ZSWIM7: variants seen among roughly 807,000 people sequenced by gnomAD.
ZSWIM7 encodes the protein zinc finger SWIM-type containing 7.
In ZSWIM7, 22 loss-of-function variants were observed where a neutral mutation model predicts 21.1. The observed-to-expected ratio is 1.04, with a 90% CI of 0.74 to 1.49. ZSWIM7 has a LOEUF of 1.49. Among genes scored for constraint, ZSWIM7 ranks in the 40% most tolerant of loss-of-function variants. The probability of loss-of-function intolerance (pLI) is 0.00; values close to 1 mark genes in which losing one functional copy is unlikely to be tolerated. For missense variants in ZSWIM7, 193 were observed against 168.0 expected, an observed-to-expected ratio of 1.15 and a Z score of -0.82; for synonymous variants, 67 against 66.5, an observed-to-expected ratio of 1.01 and a Z score of -0.04.
At chr17:15,998,729 A>C (rs1183102843) in intron 1 of ZSWIM7, among the ~76,000 whole-genome samples, 1 of 150,688 alleles carries the variant, frequency 6.6e-6, no homozygotes, top group Non-Finnish European at 1.5e-5. Flanking sequence ...TTGCATATGC[A>C]TTTAGGTTTT....
In ZSWIM7 at chr17:15,988,296, G is replaced by A. The variant is rs890895629; in HGVS notation, c.99-928C>T. 5.3e-5 allele frequency among the ~76,000 whole-genome samples: 8 copies of A among 151,992 alleles called. No homozygotes were observed. The South Asian group carries it at 6.2e-4, about 12-fold the overall frequency. On this transcript the variant is annotated intron_variant, in intron 2 of 4. Transcript: ENST00000399277. ...ATTTTTGAAAATGAGGCATGTTGAC[G>A]GACATTTATTTTTACTTTACCTTTG...
chr17:15,992,472 T>G (rs1306827395), intron 2 of ZSWIM7, among the ~76,000 whole-genome samples: 3 of 140,768 alleles, frequency 2.1e-5, no homozygotes, highest in African/African-American at 8.2e-5. Context: ...AGAGTTTCGC[T>G]TTTATTGCCC....
At chr17:15,989,096 C>T (rs1970450969) in intron 2 of ZSWIM7, among the ~76,000 whole-genome samples, 2 of 152,162 alleles carry the variant, frequency 1.3e-5, no homozygotes, top group Non-Finnish European at 2.9e-5. Flanking sequence ...CCAGTATTAT[C>T]AGGCTTTTTT....
Position 15,978,023 on chromosome 17 carries a change from A to G in ZSWIM7, c.*24T>C. ...TTTCTTGACAGGATTCTATTTTGAA[A>G]GAATGATGCTCAATCTGTACCTTTT... On this transcript the variant is annotated 3_prime_UTR_variant, in exon 5 of 5. Transcript: ENST00000399277. The G allele has an allele frequency of 5.7e-6, 9 of 1,565,572 alleles. No homozygotes were observed. The highest frequency in any genetic ancestry group is 7.9e-6 in the Non-Finnish European group (9 of 1,136,584).
chr17:15,989,227 G>A (rs1355040832), intron 2 of ZSWIM7, among the ~76,000 whole-genome samples: 4 of 152,118 alleles, frequency 2.6e-5, no homozygotes, highest in African/African-American at 7.2e-5. Context: ...AATATTAGGT[G>A]AGAAAGGTTG....
intron 1 of ZSWIM7, among the ~76,000 whole-genome samples, chr17:15,994,459 T>C (rs1970524409): frequency 6.6e-6 from 1 of 152,138 alleles, no homozygotes; most frequent in South Asian, 2.1e-4. Flanking sequence ...CCCTAACGAA[T>C]TGGTGGCACC....
At chr17:15,993,187 AT>A (rs1970506800) in intron 2 of ZSWIM7, among the ~76,000 whole-genome samples, 1 of 151,064 alleles carries the variant, frequency 6.6e-6, no homozygotes, top group Admixed American at 6.6e-5. Flanking sequence ...CTTTTATTCT[AT>A]TTTTAAAATT....
chr17:15,982,104 A>G lies in ZSWIM7; in HGVS notation c.202-960T>C, dbSNP rs1970362633. Among the ~76,000 whole-genome samples the G allele has an allele frequency of 2.6e-5, 4 of 152,126 alleles. No individual in the cohort carries two copies. In the South Asian group the frequency reaches 8.3e-4, roughly 32 times the overall value. ...TCATCTAGCAGGATGGAAGGAGGAC[A>G]CTGATACATAGTGGGTTGATAAGAG... On this transcript the variant is annotated intron_variant, in intron 3 of 4. Transcript: ENST00000399277.
chr17:15,995,182 T>C (rs1970534162), intron 1 of ZSWIM7, among the ~76,000 whole-genome samples: 1 of 152,046 alleles, frequency 6.6e-6, no homozygotes, highest in South Asian at 2.1e-4. Flanking sequence ...TCTCTGTAGT[T>C]TCAGTTACTT....
At chr17:15,992,146 C>T (rs1438023041) in intron 2 of ZSWIM7, among the ~76,000 whole-genome samples, 2 of 151,872 alleles carry the variant, frequency 1.3e-5, no homozygotes, top group Non-Finnish European at 2.9e-5. Flanking sequence ...AGGCTGGTCT[C>T]GAACTCCTGA....
chr17:15,983,899 G>A (rs749897057), intron 3 of ZSWIM7, among the ~76,000 whole-genome samples: 31 of 151,982 alleles, frequency 2.0e-4, no homozygotes, highest in Non-Finnish European at 2.6e-4. Flanking sequence ...TAATTCTTGG[G>A]TGTCTAAACT....
In ZSWIM7 at chr17:15,987,325, G is replaced by A. The variant is rs1970425451; in HGVS notation, c.142C>T (p.Leu48=). The stretch of plus-strand genomic sequence containing the variant: ...AAGGTGATGGACTGTCGATCAACTA[G>A]GTCCAAGGCCTGGGTGGCTGATGAG... ...FGSSATQALD[L]VDRQSITLIS... is the part of the protein sequence containing the mutation. The change falls in exon 3 of 5, where the codon CTA becomes TTA. Residue 48 remains leucine, a synonymous_variant. Coordinates refer to ENST00000399277, the MANE Select transcript of ZSWIM7 (RefSeq NM_001042697.2). 2 of 1,613,522 alleles carry A rather than the reference G, an allele frequency of 1.2e-6. No individual in the cohort carries two copies. The highest frequency in any genetic ancestry group is 1.3e-5 in the African/African-American group (1 of 74,896).
At chr17:15,995,753 C>G (rs1970545909) in intron 1 of ZSWIM7, among the ~76,000 whole-genome samples, 1 of 151,562 alleles carries the variant, frequency 6.6e-6, no homozygotes, top group Non-Finnish European at 1.5e-5. Context: ...CCGGAAAGAA[C>G]AGAGAAAACA....
In ZSWIM7 at chr17:15,999,514, C is replaced by A. The variant is rs1466621070; in HGVS notation, c.76+5G>T. The A allele has an allele frequency of 6.3e-7, 1 of 1,599,240 alleles. No individual in the cohort carries two copies. Among genetic ancestry groups the A allele is most frequent in the Non-Finnish European group, 8.5e-7 (1 of 1,178,018 alleles). ...GCGCAGCCACACACGACCTCGGTCC[C>A]GTACTTCGCGCGCTCTCCTGCACCG... On this transcript the variant is annotated splice_donor_5th_base_variant and intron_variant, in intron 1 of 4. Transcript: ENST00000399277.
chr17:15,998,098 T>TAA (rs374672139), intron 1 of ZSWIM7, among the ~76,000 whole-genome samples: 7 of 140,688 alleles, frequency 5.0e-5, no homozygotes, highest in African/African-American at 1.0e-4. Flanking sequence ...AGACTCTGTC[T>TAA]AAAAAAAAAA....
At chr17:15,996,317 A>T (rs1471335991) in intron 1 of ZSWIM7, among the ~76,000 whole-genome samples, 2 of 152,006 alleles carry the variant, frequency 1.3e-5, no homozygotes, top group Non-Finnish European at 2.9e-5. Flanking sequence ...AAAAACCCAA[A>T]AAAACAAAAA....
intron 1 of ZSWIM7, among the ~76,000 whole-genome samples, chr17:15,995,744 C>T (rs534016988): frequency 3.3e-5 from 5 of 151,576 alleles, no homozygotes; most frequent in African/African-American, 1.2e-4. Flanking sequence ...ACAGAAATAC[C>T]GGAAAGAACA....
At chr17:15,982,113 T>G (rs1369625264) in intron 3 of ZSWIM7, among the ~76,000 whole-genome samples, 1 of 151,698 alleles carries the variant, frequency 6.6e-6, no homozygotes, top group Non-Finnish European at 1.5e-5. Flanking sequence ...CACTGATACA[T>G]AGTGGGTTGA....
chr17:15,986,971 CAAA>C (rs1415061133), intron 3 of ZSWIM7: 1 of 181,968 alleles, frequency 5.5e-6, no homozygotes, highest in Non-Finnish European at 1.1e-5. Context: ...GATCTCACCA[CAAA>C]AAAAGAAGTA....
Sources: gnomAD v4.1 joint callset for allele counts (sites outside exome capture counted in the v4.1 genomes callset) on GRCh38, gnomAD v4.1.1 for gene constraint, MANE v1.5 for transcripts, NCBI Gene and HGNC (gene_info 2026-07-23, HGNC 2026-07-21) for gene names.